Variants in COL18A1 observed in about 807,000 individuals in gnomAD.
The protein encoded by COL18A1 is collagen type XVIII alpha 1 chain, also known as collagen alpha-1(XVIII) chain.
A neutral mutation model predicts 168.0 loss-of-function variants in COL18A1; 133 were observed. The ratio of observed to expected loss-of-function variants is 0.79; its 90% confidence interval spans 0.69 to 0.91. The LOEUF (loss-of-function observed/expected upper bound fraction) is 0.91, where lower values mean the gene tolerates loss of function less well. Ranked by LOEUF, COL18A1 falls within the 40% of genes least tolerant of loss-of-function variation. The probability of loss-of-function intolerance (pLI) is 0.00; values close to 1 mark genes in which losing one functional copy is unlikely to be tolerated. For synonymous variants in COL18A1, 949 were observed against 809.0 expected (o/e 1.17, Z -2.94); for missense variants, 2,126 against 1,925.4 (o/e 1.10, Z -1.95).
intron 41 of COL18A1, 60 bp downstream of exon 41, chr21:45,511,286 C>CGGGA (rs371233430): frequency 2.2e-6 from 2 of 909,128 alleles, no homozygotes; most frequent in African/African-American, 3.3e-5. Flanking sequence ...GGCGGGCGGG[C>CGGGA]GGGCTCCTAT....
chr21:45,486,331 T>TCCC (rs2036110723), intron 15 of COL18A1, among the ~76,000 whole-genome samples: 2 of 128,752 alleles, frequency 1.6e-5, no homozygotes, highest in East Asian at 4.9e-4. Flanking sequence ...TCCCCTCGCC[T>TCCC]GCCGGGGAGC....
chr21:45,498,256 C>G lies in COL18A1; in HGVS notation c.2683+595C>G. On this transcript the variant is annotated intron_variant, in intron 32 of 41. Coordinates refer to ENST00000651438, the MANE Select transcript of COL18A1 (RefSeq NM_001379500.1). The surrounding 1 kb of genome is among the most constrained non-coding windows in gnomAD (Gnocchi z 4.5). The stretch of plus-strand genomic sequence containing the variant: ...TCTGGGGGCTGGCAGAGCAGAAGCC[C>G]AGAGAGCCAGGCTAGCCTCGGGCGC... 2.8e-6 allele frequency: 2 copies of G among 705,354 alleles called. No individual in the cohort carries two copies. The highest frequency in any genetic ancestry group is 5.2e-6 in the Non-Finnish European group (2 of 384,674). 43.7% of individuals were successfully genotyped at this position (705,354 alleles called of 1,614,324 possible).
chr21:45,490,322 C>CA lies in COL18A1; in HGVS notation c.2008dup (p.Arg670LysfsTer60), dbSNP rs2036272169. On this transcript the variant is annotated frameshift_variant, in exon 20 of 42. Transcript: ENST00000651438. LOFTEE classifies it high-confidence loss of function. ...TCCCCGGGTTCCCCGGCCTCCCTGG[C>CA]AGAGAGGGCATTGCTGGGCCCCAGG... 6.3e-7 allele frequency: 1 copy of CA among 1,586,844 alleles called. No individual in the cohort carries two copies. The highest frequency in any genetic ancestry group is 8.6e-7 in the Non-Finnish European group (1 of 1,167,240).
chr21:45,488,533 G>C (rs1013708723), intron 18 of COL18A1, 89 bp downstream of exon 18: 2 of 1,589,140 alleles, frequency 1.3e-6, no homozygotes, highest in Admixed American at 1.7e-5. Context: ...GCCTTGCCTC[G>C]GGTTTTCTGA....
intron 37 of COL18A1, chr21:45,507,338 G>C: frequency 1.6e-6 from 1 of 620,498 alleles, no homozygotes; most frequent in Non-Finnish European, 2.9e-6. Flanking sequence ...AGGGCCGGGT[G>C]CTGGGCAGGG....
In COL18A1 at chr21:45,504,398, A is replaced by G. The variant is rs2037055410; in HGVS notation, c.2728-18A>G. On this transcript the variant is annotated intron_variant, in intron 33 of 41. Transcript: ENST00000651438. ...TAGGGGTTCAGGGCTCCCGTGTAAC[A>G]AGTGTTTCCGTCCACAGGGGGAGAA... is the stretch of plus-strand genomic sequence containing the variant. 2 of 1,609,472 alleles carry G rather than the reference A, an allele frequency of 1.2e-6. No homozygotes were observed. The highest frequency in any genetic ancestry group is 1.7e-6 in the Non-Finnish European group (2 of 1,178,216).
In COL18A1 at chr21:45,443,466, G is replaced by A. The variant is rs145883960; in HGVS notation, c.107-24776G>A. The stretch of plus-strand genomic sequence containing the variant: ...CAGCCCAGCTCGGCATCGCAGCAGA[G>A]TCCCGGTGGTGGAGATGCTTTGCCA... On this transcript the variant is annotated intron_variant, in intron 2 of 41. Coordinates refer to ENST00000651438, the MANE Select transcript of COL18A1 (RefSeq NM_001379500.1). This position sits in a 1 kb window ranked among gnomAD's most constrained non-coding sequence, Gnocchi z 5.2. 8.4e-3 allele frequency among the ~76,000 whole-genome samples: 1,285 copies of A among 152,260 alleles called. 24 individuals are homozygous for A. Among genetic ancestry groups the A allele is most frequent in the Non-Finnish European group, 9.5e-3 (649 of 68,000 alleles).
intron 5 of COL18A1, among the ~76,000 whole-genome samples, chr21:45,475,959 A>T (rs1489218294): frequency 6.6e-6 from 1 of 152,198 alleles, no homozygotes; most frequent in Non-Finnish European, 1.5e-5. Context: ...CCACCTGAGA[A>T]AACACAGGAG....
At chr21:45,451,198 G>A (rs2034614535) in intron 2 of COL18A1, among the ~76,000 whole-genome samples, 1 of 152,224 alleles carries the variant, frequency 6.6e-6, no homozygotes, top group Admixed American at 6.5e-5. Context: ...TAGTGCCCTG[G>A]CCAGATGGCC....
intron 15 of COL18A1, among the ~76,000 whole-genome samples, chr21:45,486,231 CCTCTCCT>C (rs887357867): frequency 2.6e-5 from 4 of 151,656 alleles, no homozygotes; most frequent in Non-Finnish European, 4.4e-5. Flanking sequence ...TCCTGAGCCT[CCTCTCCT>C]CTCTCCTCTC....
At chr21:45,439,999 T>G (rs952990654) in intron 2 of COL18A1, among the ~76,000 whole-genome samples, 2 of 152,326 alleles carry the variant, frequency 1.3e-5, no homozygotes, top group South Asian at 2.1e-4. Flanking sequence ...CTCCCACCCC[T>G]TCTGTGGGGC....
At chr21:45,501,189 A>G (rs936891207) in intron 32 of COL18A1, among the ~76,000 whole-genome samples, 1 of 151,976 alleles carries the variant, frequency 6.6e-6, no homozygotes, top group Non-Finnish European at 1.5e-5. Flanking sequence ...CAACGGAGCA[A>G]GTCTACCAGA....
At chr21:45,466,726 C>T (rs933217344) in intron 2 of COL18A1, among the ~76,000 whole-genome samples, 2 of 152,112 alleles carry the variant, frequency 1.3e-5, no homozygotes, top group Non-Finnish European at 2.9e-5. Context: ...TCCCTGGGGC[C>T]GCCGGTGTAG....
At chr21:45,482,137 C>T in intron 14 of COL18A1, 112 bp downstream of exon 14, 1 of 814,086 alleles carries the variant, frequency 1.2e-6, no homozygotes, top group Non-Finnish European at 2.1e-6. Flanking sequence ...AATAGCCCCC[C>T]ATCACAGCCC....
chr21:45,507,676 C>T (rs558464642), intron 38 of COL18A1, 83 bp downstream of exon 38: 82 of 1,353,048 alleles, frequency 6.1e-5, no homozygotes, highest in Admixed American at 3.1e-4. Context: ...AGGAACAACA[C>T]GTGGTCCTTT....
At chr21:45,439,649 C>T (rs2034314573) in intron 2 of COL18A1, among the ~76,000 whole-genome samples, 1 of 152,234 alleles carries the variant, frequency 6.6e-6, no homozygotes, top group African/African-American at 2.4e-5. Flanking sequence ...CGCGGGGCCT[C>T]CGGGTCTGCG....
Position 45,509,376 on chromosome 21 carries a change from G to T in COL18A1, c.3270G>T (p.Leu1090Phe). The change falls in exon 39 of 42, where the codon TTG becomes TTT. Residue 1090 changes from leucine to phenylalanine, a missense_variant. Transcript: ENST00000651438. The stretch of plus-strand genomic sequence containing the variant: ...TGCAGGACAATGAAGTGGCCGCCTT[G>T]CAGCCCCCCGTGGTGCAGCTGCACG... ...PRGTDNEVAALQPPVVQLHDS... is the reference protein window; with the variant it reads ...PRGTDNEVAAFQPPVVQLHDS... 1 of 1,543,872 alleles carries T rather than the reference G, an allele frequency of 6.5e-7. No individual in the cohort carries two copies. Among genetic ancestry groups the T allele is most frequent in the Non-Finnish European group, 8.7e-7 (1 of 1,145,322 alleles).
chr21:45,421,066 C>T (rs1407457070), intron 2 of COL18A1: 1 of 202,798 alleles, frequency 4.9e-6, no homozygotes, highest in Admixed American at 5.6e-5. Flanking sequence ...CCACCCCACC[C>T]AGCCCTGCCT....
intron 2 of COL18A1, among the ~76,000 whole-genome samples, chr21:45,436,536 C>T (rs780208644): frequency 2.0e-5 from 3 of 152,110 alleles, no homozygotes; most frequent in South Asian, 2.1e-4. Context: ...TCTTTGTGGG[C>T]GCCTGTGCCT....
Sources: gnomAD v4.1 joint callset for allele counts (sites outside exome capture counted in the v4.1 genomes callset) on GRCh38, gnomAD v4.1.1 for gene constraint, Gnocchi (gnomAD v3.1) non-coding constraint, MANE v1.5 for transcripts, NCBI Gene and HGNC (gene_info 2026-07-23, HGNC 2026-07-21) for gene names.